Variants in MEI1 observed in about 807,000 individuals in gnomAD.
MEI1 encodes the protein meiosis inhibitor protein 1.
In MEI1, 103 loss-of-function variants were observed where a neutral mutation model predicts 146.2. That is an observed-to-expected ratio of 0.70 (90% confidence interval 0.60 to 0.83). The LOEUF (loss-of-function observed/expected upper bound fraction) is 0.83, where lower values mean the gene tolerates loss of function less well. MEI1 is among the 40% of genes least tolerant of loss of function. The probability of loss-of-function intolerance (pLI) is 0.00; values close to 1 mark genes in which losing one functional copy is unlikely to be tolerated. For synonymous variants in MEI1, 652 were observed against 628.2 expected (o/e 1.04, Z -0.57); for missense variants, 1,529 against 1,533.0 (o/e 1.00, Z 0.04).
chr22:41,785,301 C>T (rs1011755460), intron 26 of MEI1, among the ~76,000 whole-genome samples: 4 of 147,408 alleles, frequency 2.7e-5, no homozygotes, highest in Admixed American at 1.4e-4. Context: ...CTAGCTCTGT[C>T]GCCCAGGCTG....
intron 14 of MEI1, 75 bp downstream of exon 14, chr22:41,746,101 C>T: frequency 7.0e-7 from 1 of 1,429,806 alleles, no homozygotes; most frequent in Non-Finnish European, 9.4e-7. Context: ...GGCTCAGAGG[C>T]ATAAGGCAGT....
At position 41,776,254 on chromosome 22, in the gene MEI1, A is replaced by AT. The variant is rs766349002; in HGVS notation, c.2698dup (p.Ser900PhefsTer51). 1 of 1,613,632 alleles carries AT rather than the reference A, an allele frequency of 6.2e-7. No homozygotes were observed. The highest frequency in any genetic ancestry group is 8.5e-7 in the Non-Finnish European group (1 of 1,179,822). On this transcript the variant is annotated frameshift_variant, in exon 21 of 31. Coordinates refer to ENST00000401548, the MANE Select transcript of MEI1 (RefSeq NM_152513.4). LOFTEE classifies it high-confidence loss of function. Reference sequence around the variant, plus strand: ...AGCGTCTGCTAGTGGAGCATGGGGCATCCCCATCAGGAGGTCAGTCTGCAG... The same window carrying AT: ...AGCGTCTGCTAGTGGAGCATGGGGCATTCCCCATCAGGAGGTCAGTCTGCAG...
At chr22:41,746,751 G>T (rs1342615183) in intron 14 of MEI1, among the ~76,000 whole-genome samples, 3 of 152,120 alleles carry the variant, frequency 2.0e-5, no homozygotes, top group Non-Finnish European at 4.4e-5. Context: ...GGGAACAGTA[G>T]GTGGCAGCAG....
chr22:41,753,205 A>T (rs923337094), intron 16 of MEI1, among the ~76,000 whole-genome samples: 8 of 151,882 alleles, frequency 5.3e-5, no homozygotes, highest in African/African-American at 1.7e-4. Flanking sequence ...TTTAGTAGAG[A>T]TGGCCAGACT....
At chr22:41,756,260 G>A (rs951408788) in intron 17 of MEI1, among the ~76,000 whole-genome samples, 13 of 151,444 alleles carry the variant, frequency 8.6e-5, no homozygotes, top group Non-Finnish European at 2.9e-5. Flanking sequence ...TCAGCCTCAC[G>A]AATAGCTGGG....
At chr22:41,734,478 A>G (rs2072152429) in intron 11 of MEI1, among the ~76,000 whole-genome samples, 1 of 152,088 alleles carries the variant, frequency 6.6e-6, no homozygotes. Flanking sequence ...CTGTAATCCC[A>G]GTTACTCAGG....
At chr22:41,732,900 C>G (rs1193932164) in intron 11 of MEI1, among the ~76,000 whole-genome samples, 2 of 151,396 alleles carry the variant, frequency 1.3e-5, no homozygotes, top group Non-Finnish European at 2.9e-5. Flanking sequence ...CCTGCCTCAG[C>G]CTCCCAAGTA....
intron 21 of MEI1, among the ~76,000 whole-genome samples, chr22:41,777,892 C>CCT (rs1371583490): frequency 6.6e-6 from 1 of 151,396 alleles, no homozygotes; most frequent in Non-Finnish European, 1.5e-5. Context: ...TTCCATCCAT[C>CCT]CTTCTTTCTC....
At chr22:41,717,702 G>A (rs1054360838) in intron 5 of MEI1, among the ~76,000 whole-genome samples, 1 of 148,136 alleles carries the variant, frequency 6.8e-6, no homozygotes, top group African/African-American at 2.5e-5. Context: ...TGCAACCTCT[G>A]CCTCGTGGGT....
chr22:41,701,987 A>C (rs1360466532), intron 1 of MEI1, among the ~76,000 whole-genome samples: 1 of 152,214 alleles, frequency 6.6e-6, no homozygotes, highest in Non-Finnish European at 1.5e-5. Flanking sequence ...CTTGAACATA[A>C]TCTGTCAGAT....
chr22:41,709,556 C>A, intron 3 of MEI1: 4 of 530,764 alleles, frequency 7.5e-6, no homozygotes, highest in South Asian at 6.1e-5. Context: ...GGGCTTTGGT[C>A]GGTCCAGGGG....
chr22:41,748,143 GA>G lies in MEI1; in HGVS notation c.1719del (p.Val574PhefsTer16), dbSNP rs772820816. ...LEQTTHPALM[E>X]VFLSILHNLF... ...GCAGACCACCCACCCAGCTTTGATG[GA>G]AGTTTTCCTCTCAATTCTACATAAC... On this transcript the variant is annotated frameshift_variant, in exon 15 of 31. Coordinates refer to ENST00000401548, the MANE Select transcript of MEI1 (RefSeq NM_152513.4). LOFTEE classifies it high-confidence loss of function. 1.2e-6 allele frequency: 2 copies of G among 1,613,952 alleles called. No homozygotes were observed. The highest frequency in any genetic ancestry group is 1.7e-6 in the Non-Finnish European group (2 of 1,179,870).
Position 41,705,487 on chromosome 22 carries a change from C to A in MEI1, c.299-17C>A. ...GCCCTGCCTAACCACCCCTTTCTTACCTCCCTCTGCTCCAAGGACTATTAT... is the reference window on the plus strand; with the variant it reads ...GCCCTGCCTAACCACCCCTTTCTTAACTCCCTCTGCTCCAAGGACTATTAT... On this transcript the variant is annotated splice_polypyrimidine_tract_variant and intron_variant, in intron 2 of 30. Transcript: ENST00000401548. The A allele has an allele frequency of 1.9e-6, 3 of 1,613,184 alleles. No homozygotes were observed. The highest frequency in any genetic ancestry group is 2.5e-6 in the Non-Finnish European group (3 of 1,179,298).
chr22:41,771,103 G>A, intron 20 of MEI1, 142 bp downstream of exon 20: 1 of 923,350 alleles, frequency 1.1e-6, no homozygotes. Flanking sequence ...AGTTGGAGGG[G>A]TGGTGGTCTC....
chr22:41,743,003 C>T lies in MEI1; in HGVS notation c.1332-77C>T, dbSNP rs2073006429. ...GTTCTGATCCAACTGCACTGCCTCTCATTGCCTGAGAACCTGGGGTTATCT... is the reference window on the plus strand; with the variant it reads ...GTTCTGATCCAACTGCACTGCCTCTTATTGCCTGAGAACCTGGGGTTATCT... On this transcript the variant is annotated intron_variant, in intron 11 of 30. Transcript: ENST00000401548. The T allele has an allele frequency of 3.1e-6, 3 of 978,304 alleles. No homozygotes were observed. In the East Asian group the frequency reaches 7.7e-5, roughly 25 times the overall value. The allele number at this position is 978,304 out of a possible 1,614,324, so 60.6% of individuals were successfully genotyped here.
At chr22:41,763,792 T>C (rs1384185698) in intron 19 of MEI1, among the ~76,000 whole-genome samples, 1 of 151,776 alleles carries the variant, frequency 6.6e-6, no homozygotes, top group Non-Finnish European at 1.5e-5. Context: ...AAACAACAAC[T>C]CTTTGGTCAC....
In MEI1 at chr22:41,784,676, C is replaced by G; in HGVS notation, c.3238C>G (p.Pro1080Ala). 6.2e-7 allele frequency: 1 copy of G among 1,613,576 alleles called. No homozygotes were observed. The highest frequency in any genetic ancestry group is 8.5e-7 in the Non-Finnish European group (1 of 1,179,864). Residue 1080 changes from proline to alanine, a missense_variant, in exon 26 of 31, where the codon CCC becomes GCC. Around this residue, in one of 3 missense-constraint regions of MEI1, gnomAD observed 313 missense variants for 337.3 expected, o/e 0.93. Coordinates refer to ENST00000401548, the MANE Select transcript of MEI1 (RefSeq NM_152513.4). Reference sequence around the variant, plus strand: ...TTCCTCTGCCCTGGTAGCCCTGGTGCCCTCAGGGGCCCAGCCACTGCCAGC... The same window carrying G: ...TTCCTCTGCCCTGGTAGCCCTGGTGGCCTCAGGGGCCCAGCCACTGCCAGC... ...SFSSALVALV[P>A]SGAQPLPATK...
intron 20 of MEI1, among the ~76,000 whole-genome samples, chr22:41,773,613 C>T (rs908219570): frequency 2.0e-5 from 3 of 150,494 alleles, no homozygotes; most frequent in Admixed American, 1.3e-4. Context: ...CGGTGGCTCA[C>T]GCCTGTAATC....
At chr22:41,728,021 C>A (rs941702328) in intron 7 of MEI1, among the ~76,000 whole-genome samples, 1 of 152,192 alleles carries the variant, frequency 6.6e-6, no homozygotes, top group Non-Finnish European at 1.5e-5. Flanking sequence ...GGTTCCAGGA[C>A]CGCCGGCATA....
Sources: allele counts gnomAD v4.1 joint callset (sites outside exome capture counted in the v4.1 genomes callset), GRCh38; gene constraint gnomAD v4.1.1; regional missense constraint gnomAD v4.1.1; transcripts MANE v1.5; gene names NCBI Gene and HGNC (gene_info 2026-07-23, HGNC 2026-07-21).